CTNNBIP1: variants seen among roughly 807,000 people sequenced by gnomAD.
CTNNBIP1 encodes the protein beta-catenin-interacting protein 1.
In CTNNBIP1, 7 loss-of-function variants were observed where a neutral mutation model predicts 11.8. The ratio of observed to expected loss-of-function variants is 0.60; its 90% CI spans 0.34 to 1.12. The LOEUF is 1.12. CTNNBIP1 is among the 50% of genes most tolerant of loss of function. The pLI, the probability that CTNNBIP1 is intolerant of heterozygous loss-of-function variation, is 0.03. For synonymous variants in CTNNBIP1, 58 were observed against 43.9 expected, an observed-to-expected ratio of 1.32 and a Z score of -1.26; for missense variants, 101 against 113.4, an observed-to-expected ratio of 0.89 and a Z score of 0.50.
Position 9,850,718 on chromosome 1 carries a change from C to T in CTNNBIP1, c.246G>A (p.Ter82=). Residue 82 remains the stop codon, a stop_retained_variant, in exon 6 of 6, where the codon TAG becomes TAA. Transcript: ENST00000377263. The part of the protein sequence containing the change: ...SRSETEDRRQ[*] ...CCAGGGTGTTCCAAGGGCTTTGCAG[C>T]TACTGCCTCCGGTCTTCCGTCTCCG... 1 of 1,613,836 alleles carries T rather than the reference C, an allele frequency of 6.2e-7. No individual in the cohort carries two copies. Among genetic ancestry groups the T allele is most frequent in the Non-Finnish European group, 8.5e-7 (1 of 1,179,786 alleles).
At chr1:9,894,938 C>T (rs937194521) in intron 1 of CTNNBIP1, among the ~76,000 whole-genome samples, 2 of 135,374 alleles carry the variant, frequency 1.5e-5, no homozygotes, top group African/African-American at 6.1e-5. Flanking sequence ...GACAGAGTCT[C>T]ACTCTGTCCC....
chr1:9,891,470 C>T (rs181423884), intron 1 of CTNNBIP1, among the ~76,000 whole-genome samples: 9 of 152,322 alleles, frequency 5.9e-5, no homozygotes, highest in Non-Finnish European at 1.0e-4. Context: ...GCTGGGAAAG[C>T]CTCCAGCTTC....
At chr1:9,886,550 A>G (rs565567022) in intron 1 of CTNNBIP1, among the ~76,000 whole-genome samples, 4 of 152,356 alleles carry the variant, frequency 2.6e-5, no homozygotes, top group Non-Finnish European at 5.9e-5. Context: ...AGTCTTCGCC[A>G]CACACGTCCC....
chr1:9,908,564 T>C (rs1025408971), intron 1 of CTNNBIP1, among the ~76,000 whole-genome samples: 5 of 146,196 alleles, frequency 3.4e-5, no homozygotes, highest in South Asian at 2.2e-4. Flanking sequence ...GTAGTAGATA[T>C]GGGGTTTCAC....
intron 1 of CTNNBIP1, among the ~76,000 whole-genome samples, chr1:9,900,347 G>A (rs72858059): frequency 0.035 from 5,253 of 152,240 alleles, 287 homozygotes; most frequent in African/African-American, 0.12. Flanking sequence ...ATCACGGTGA[G>A]CTGTGATCGT....
At chr1:9,856,513 C>CT (rs149518763) in intron 5 of CTNNBIP1, among the ~76,000 whole-genome samples, 1,363 of 129,586 alleles carry the variant, frequency 0.011, 17 homozygotes, top group African/African-American at 0.028. Context: ...GTAAAAAATT[C>CT]TTTTTTTTTT....
chr1:9,910,060 G>A (rs1178388181), intron 1 of CTNNBIP1, 35 bp downstream of exon 1: 2 of 147,552 alleles, frequency 1.4e-5, no homozygotes, highest in Non-Finnish European at 3.0e-5. Flanking sequence ...GCGCGGGCCC[G>A]GGCGGTGCAG....
intron 5 of CTNNBIP1, among the ~76,000 whole-genome samples, chr1:9,861,077 C>T (rs1049609662): frequency 1.3e-5 from 2 of 152,210 alleles, no homozygotes; most frequent in African/African-American, 4.8e-5. Flanking sequence ...CCACATGCTC[C>T]CAAGTGTCCA....
At chr1:9,862,025 C>T (rs536972454) in intron 5 of CTNNBIP1, among the ~76,000 whole-genome samples, 1 of 152,220 alleles carries the variant, frequency 6.6e-6, no homozygotes, top group Non-Finnish European at 1.5e-5. Context: ...CCAAATCCAT[C>T]TTGCCCTGTT....
rs1024016252 is a variant in CTNNBIP1 at position 9,867,709 on chromosome 1, T to C, written c.187+3478A>G. 6.6e-6 allele frequency among the ~76,000 whole-genome samples: 1 copy of C among 152,168 alleles called. No individual in the cohort carries two copies. Among genetic ancestry groups the C allele is most frequent in the Admixed American group, 6.5e-5 (1 of 15,286 alleles). ...CCATTACCCACAGGCTCCAGGCCTT[T>C]GGGGTTCATTATGGCAGTCTCTGCA... On this transcript the variant is annotated intron_variant, in intron 5 of 5. Transcript: ENST00000377263. The surrounding 1 kb of genome is among the most constrained non-coding windows in gnomAD (Gnocchi z 4.6).
At chr1:9,903,635 C>T (rs1467349269) in intron 1 of CTNNBIP1, among the ~76,000 whole-genome samples, 1 of 152,184 alleles carries the variant, frequency 6.6e-6, no homozygotes, top group Non-Finnish European at 1.5e-5. Flanking sequence ...TCAAACACCA[C>T]CATGCCCCTG....
chr1:9,876,889 C>T (rs1228258334), intron 3 of CTNNBIP1, among the ~76,000 whole-genome samples: 1 of 138,938 alleles, frequency 7.2e-6, no homozygotes, highest in African/African-American at 2.7e-5. Context: ...CACACACACA[C>T]AGTTCAGAGC....
Position 9,883,520 on chromosome 1 carries a change from G to A in CTNNBIP1, c.-110+185C>T, listed in dbSNP as rs769689413. On this transcript the variant is annotated intron_variant, in intron 2 of 5. Transcript: ENST00000377263. This position sits in a 1 kb window ranked among gnomAD's most constrained non-coding sequence, Gnocchi z 5.6. ...GCATGGGACTGCCCCCCATGCACAT[G>A]CTCCAACAGGACAGGGGCTGCTTCA... Among the ~76,000 whole-genome samples the A allele has an allele frequency of 6.6e-6, 1 of 152,194 alleles. No individual in the cohort carries two copies. Among genetic ancestry groups the A allele is most frequent in the Non-Finnish European group, 1.5e-5 (1 of 68,030 alleles).
In CTNNBIP1 at chr1:9,867,721, T is replaced by C. The variant is rs902853790; in HGVS notation, c.187+3466A>G. Among the ~76,000 whole-genome samples the C allele has an allele frequency of 4.6e-5, 7 of 152,198 alleles. No homozygotes were observed. Among genetic ancestry groups the C allele is most frequent in the Admixed American group, 4.6e-4 (7 of 15,282 alleles). On this transcript the variant is annotated intron_variant, in intron 5 of 5. Transcript: ENST00000377263. The surrounding 1 kb of genome is among the most constrained non-coding windows in gnomAD (Gnocchi z 4.6). Reference sequence around the variant, plus strand: ...GGCTCCAGGCCTTTGGGGTTCATTATGGCAGTCTCTGCACCCTGCTCTGGC... The same window carrying C: ...GGCTCCAGGCCTTTGGGGTTCATTACGGCAGTCTCTGCACCCTGCTCTGGC...
At chr1:9,857,670 G>A (rs771105865) in intron 5 of CTNNBIP1, among the ~76,000 whole-genome samples, 1 of 152,078 alleles carries the variant, frequency 6.6e-6, no homozygotes, top group Non-Finnish European at 1.5e-5. Flanking sequence ...ATGTGGTGGT[G>A]CGCTCCTGTA....
At chr1:9,857,570 G>A (rs1638534516) in intron 5 of CTNNBIP1, among the ~76,000 whole-genome samples, 1 of 151,984 alleles carries the variant, frequency 6.6e-6, no homozygotes, top group Admixed American at 6.6e-5. Flanking sequence ...GGAGGCCGAG[G>A]CGGGCAGATC....
At chr1:9,858,135 G>C (rs1638547059) in intron 5 of CTNNBIP1, among the ~76,000 whole-genome samples, 1 of 152,164 alleles carries the variant, frequency 6.6e-6, no homozygotes, top group Admixed American at 6.5e-5. Flanking sequence ...TAGATGCTAA[G>C]TACATCACCA....
rs368354852 is a variant in CTNNBIP1 at position 9,883,143 on chromosome 1, G to A, written c.-110+562C>T. On this transcript the variant is annotated intron_variant, in intron 2 of 5. Transcript: ENST00000377263. This position sits in a 1 kb window ranked among gnomAD's most constrained non-coding sequence, Gnocchi z 5.6. ...GGCGCAGGAGGGTAGGTCAGGGACC[G>A]GGGGAGCCTCTCTCTGGAAGGAAGT... Among the ~76,000 whole-genome samples the A allele has an allele frequency of 4.6e-5, 7 of 152,218 alleles. No homozygotes were observed. The South Asian group carries it at 8.3e-4, about 18-fold the overall frequency.
chr1:9,884,185 G>A (rs547105026), intron 1 of CTNNBIP1, among the ~76,000 whole-genome samples: 1 of 152,256 alleles, frequency 6.6e-6, no homozygotes, highest in African/African-American at 2.4e-5. Context: ...CTGGGCCAGA[G>A]GGGAGGACCA....
Sources: allele counts gnomAD v4.1 joint callset (sites outside exome capture counted in the v4.1 genomes callset), GRCh38; gene constraint gnomAD v4.1.1; non-coding constraint Gnocchi (gnomAD v3.1); transcripts MANE v1.5; gene names NCBI Gene and HGNC (gene_info 2026-07-23, HGNC 2026-07-21).